Variants in LRRC15 observed in about 807,000 individuals in gnomAD.
LRRC15 encodes the protein leucine rich repeat containing 15.
In LRRC15, 5 loss-of-function variants were observed where a neutral mutation model predicts 4.3. That is an observed-to-expected ratio of 1.16 (90% confidence interval 0.61 to 2.44). The LOEUF (loss-of-function observed/expected upper bound fraction) is 2.44. Among genes scored for constraint, LRRC15 ranks in the 30% most tolerant of loss-of-function variants. LRRC15 has a pLI of 0.01. For missense variants in LRRC15, 769 were observed against 747.0 expected (o/e 1.03, Z -0.34); for synonymous variants, 337 against 323.2 (o/e 1.04, Z -0.46).
At position 194,360,437 on chromosome 3, in the gene LRRC15, G is replaced by A. The variant is rs775383231; in HGVS notation, c.607C>T (p.Arg203Trp). The A allele has an allele frequency of 2.3e-5, 37 of 1,614,048 alleles. No individual in the cohort carries two copies. Among genetic ancestry groups the A allele is most frequent in the Middle Eastern group, 1.6e-4 (1 of 6,084 alleles). The change falls in exon 2 of 2, where the codon CGG (arginine) becomes TGG (tryptophan). Residue 203 changes from arginine (R) to tryptophan (W), a missense_variant. By Grantham distance (101) the Arg-to-Trp change is moderately radical. Transcript: ENST00000347624. ...FQHLGNLQVL[R>W]LYENRLTDIP... ...TCCGTGAGCCTGTTCTCATACAGCC[G>A]GAGGACCTGGAGGTTGCCCAGGTGC...
In LRRC15 at chr3:194,360,723, G is replaced by A. The variant is rs1713599287; in HGVS notation, c.321C>T (p.Ser107=). The change falls in exon 2 of 2, where the codon AGC becomes AGT. Residue 107 remains serine (S), a synonymous_variant. Transcript: ENST00000347624. ...FRNLGSLRYL[S]LANNKLQVLP... is the part of the protein sequence containing the mutation. ...GAACCTGCAGCTTGTTGTTGGCGAGGCTGAGATAGCGCAGCGAGCCCAGGT... is the reference window on the plus strand; with the variant it reads ...GAACCTGCAGCTTGTTGTTGGCGAGACTGAGATAGCGCAGCGAGCCCAGGT... 2 of 1,614,234 alleles carry A rather than the reference G, an allele frequency of 1.2e-6. No homozygotes were observed. Among genetic ancestry groups the A allele is most frequent in the Non-Finnish European group, 1.7e-6 (2 of 1,180,028 alleles).
intron 1 of LRRC15, among the ~76,000 whole-genome samples, chr3:194,361,494 C>G (rs979730133): frequency 6.6e-6 from 1 of 152,216 alleles, no homozygotes; most frequent in Admixed American, 6.5e-5. Context: ...CATCTTTCAT[C>G]CCTACAGTTT....
In LRRC15 at chr3:194,359,370, G is replaced by T; in HGVS notation, c.1674C>A (p.Cys558Ter). 2 of 1,614,016 alleles carry T rather than the reference G, an allele frequency of 1.2e-6. No homozygotes were observed. Among genetic ancestry groups the T allele is most frequent in the South Asian group, 2.2e-5 (2 of 91,064 alleles). ...TCTTCTTGCAGCAGCAACAGCCGACGCAGGCAGCCAGGGAGCAGGCCAGGG... is the reference window on the plus strand; with the variant it reads ...TCTTCTTGCAGCAGCAACAGCCGACTCAGGCAGCCAGGGAGCAGGCCAGGG... Reference protein sequence around the residue: ...IVALACSLAACVGCCCCKKRS... With the variant: ...IVALACSLAA The change falls in exon 2 of 2, where the codon TGC (cysteine) becomes TGA (stop). Residue 558 changes from cysteine to a stop codon, truncating the protein, a stop_gained. Transcript: ENST00000347624. LOFTEE classifies it high-confidence loss of function.
Position 194,360,329 on chromosome 3 carries a change from CA to C in LRRC15, c.714del (p.Gly239ValfsTer43), listed in dbSNP as rs1560045285. ...LQQNQIGLLSPGLFHNNHNLQ... is the reference protein window; with the variant it reads ...LQQNQIGLLSXGLFHNNHNLQ... ...AGGTTGTGGTTGTTGTGGAAGAGAC[CA>C]GGGGAGAGCAGTCCAATCTGGTTCT... is the stretch of plus-strand genomic sequence containing the variant. On this transcript the variant is annotated frameshift_variant, in exon 2 of 2. Coordinates refer to ENST00000347624, the MANE Select transcript of LRRC15 (RefSeq NM_130830.5). LOFTEE classifies it low-confidence loss of function (END_TRUNC). 2.5e-6 allele frequency: 4 copies of C among 1,613,902 alleles called. No homozygotes were observed. In the East Asian group the frequency reaches 6.7e-5, roughly 27 times the overall value.
Position 194,360,050 on chromosome 3 carries a change from T to G in LRRC15, c.994A>C (p.Ile332Leu). The G allele has an allele frequency of 6.2e-7, 1 of 1,614,098 alleles. No individual in the cohort carries two copies. The highest frequency in any genetic ancestry group is 8.5e-7 in the Non-Finnish European group (1 of 1,180,024). The change falls in exon 2 of 2, where the codon ATC becomes CTC. Residue 332 changes from isoleucine to leucine, a missense_variant. By Grantham distance (5) the Ile-to-Leu change is conservative. Coordinates refer to ENST00000347624, the MANE Select transcript of LRRC15 (RefSeq NM_130830.5). ...AGCCCGTTGAAGGCACCCGGGGAGA[T>G]GAAGCTGATCTGATTGCGGCTAAGA... Reference protein sequence around the residue: ...LILSRNQISFISPGAFNGLTE... With the variant: ...LILSRNQISFLSPGAFNGLTE...
rs200874953 is a variant in LRRC15 at position 194,359,738 on chromosome 3, T to G, written c.1306A>C (p.Asn436His). 3.7e-6 allele frequency: 6 copies of G among 1,614,194 alleles called. No homozygotes were observed. The East Asian group carries it at 1.1e-4, about 30-fold the overall frequency. ...CTAGGCTGGTTGAGCAGGAGCCAGT[T>G]GCGGAGCGGAAGGATGTCTGAGTCA... is the stretch of plus-strand genomic sequence containing the variant. ...RCDSDILPLR[N>H]WLLLNQPRLG... The change falls in exon 2 of 2, where the codon AAC (asparagine) becomes CAC (histidine). Residue 436 changes from asparagine (N) to histidine (H), a missense_variant. By Grantham distance (68) the Asn-to-His change is moderately conservative (BLOSUM62 1). Transcript: ENST00000347624.
intron 1 of LRRC15, among the ~76,000 whole-genome samples, chr3:194,366,781 A>G (rs574275262): frequency 9.8e-5 from 15 of 152,290 alleles, no homozygotes; most frequent in African/African-American, 3.6e-4. Context: ...TTCTGAGTGC[A>G]CCTAGTCAAA....
At chr3:194,365,616 C>G (rs1713753346) in intron 1 of LRRC15, among the ~76,000 whole-genome samples, 1 of 152,146 alleles carries the variant, frequency 6.6e-6, no homozygotes, top group South Asian at 2.1e-4. Context: ...CCTTGGAGCT[C>G]TGCTATCTTC....
In LRRC15 at chr3:194,360,135, G is replaced by C. The variant is rs745880062; in HGVS notation, c.909C>G (p.Asn303Lys). 6.2e-7 allele frequency: 1 copy of C among 1,614,242 alleles called. No individual in the cohort carries two copies. The highest frequency in any genetic ancestry group is 2.2e-5 in the East Asian group (1 of 44,880). The change falls in exon 2 of 2, where the codon AAC (asparagine) becomes AAG (lysine). Residue 303 changes from asparagine (N) to lysine (K), a missense_variant. Asn to Lys is a moderately conservative substitution (Grantham distance 94). Transcript: ENST00000347624. ...CATTGTCGGGTAGAGAAGAGATGTGGTTGTCATAGAGCCAAAGCTCCCGCA... is the reference window on the plus strand; with the variant it reads ...CATTGTCGGGTAGAGAAGAGATGTGCTTGTCATAGAGCCAAAGCTCCCGCA... Reference protein sequence around the residue: ...PNLRELWLYDNHISSLPDNVF... With the variant: ...PNLRELWLYDKHISSLPDNVF...
rs1301854024 is a variant in LRRC15, at chr3:194,358,264, G to A, written c.*1034C>T. On this transcript the variant is annotated 3_prime_UTR_variant, in exon 2 of 2. Coordinates refer to ENST00000347624, the MANE Select transcript of LRRC15 (RefSeq NM_130830.5). ...GGATGGGGGATATTTGTGATGCTCT[G>A]GGTCTGGGTCTAGATGCTGATTACA... The A allele has an allele frequency of 2.0e-5, 3 of 152,252 alleles. No individual in the cohort carries two copies. Among genetic ancestry groups the A allele is most frequent in the Non-Finnish European group, 4.4e-5 (3 of 68,070 alleles). The allele number at this position is 152,252 out of a possible 1,614,324, so 9.4% of individuals were successfully genotyped here.
At chr3:194,366,394 C>A (rs1442803435) in intron 1 of LRRC15, among the ~76,000 whole-genome samples, 1 of 152,230 alleles carries the variant, frequency 6.6e-6, no homozygotes, top group African/African-American at 2.4e-5. Flanking sequence ...AAATCAGAAT[C>A]TCTGGAGACT....
chr3:194,356,381 C>T lies in LRRC15; in HGVS notation c.*2917G>A, dbSNP rs1193583353. On this transcript the variant is annotated 3_prime_UTR_variant, in exon 2 of 2. Coordinates refer to ENST00000347624, the MANE Select transcript of LRRC15 (RefSeq NM_130830.5). ...CAGAGAGGAAAACTGAACTCTGTACCCCACTCCAGCTTTCTGGGGGACCAG... is the reference window on the plus strand; with the variant it reads ...CAGAGAGGAAAACTGAACTCTGTACTCCACTCCAGCTTTCTGGGGGACCAG... The T allele has an allele frequency of 2.0e-5, 3 of 152,202 alleles. No individual in the cohort carries two copies. Among genetic ancestry groups the T allele is most frequent in the Non-Finnish European group, 2.9e-5 (2 of 68,050 alleles). 9.4% of individuals were successfully genotyped at this position (152,202 alleles called of 1,614,324 possible).
chr3:194,359,633 C>A lies in LRRC15; in HGVS notation c.1411G>T (p.Val471Phe), dbSNP rs139284710. The A allele has an allele frequency of 1.9e-6, 3 of 1,614,004 alleles. No individual in the cohort carries two copies. The highest frequency in any genetic ancestry group is 2.2e-5 in the South Asian group (2 of 91,044). The change falls in exon 2 of 2, where the codon GTT (valine) becomes TTT (phenylalanine). Residue 471 changes from valine (V) to phenylalanine (F), a missense_variant. By Grantham distance (50) the Val-to-Phe change is conservative. Coordinates refer to ENST00000347624, the MANE Select transcript of LRRC15 (RefSeq NM_130830.5). ...GQSLIIINVN[V>F]AVPSVHVPEV... ...GGGACATGGACGCTTGGAACAGCAA[C>A]GTTGACATTGATGATAATGAGGGAC...
rs544100044 is a variant in LRRC15 at position 194,355,938 on chromosome 3, T to C, written c.*3360A>G. 1.3e-5 allele frequency: 2 copies of C among 152,346 alleles called. No individual in the cohort carries two copies. The highest frequency in any genetic ancestry group is 1.9e-4 in the East Asian group (1 of 5,190). The allele number at this position is 152,346 out of a possible 1,614,324, so 9.4% of individuals were successfully genotyped here. A position where few individuals can be genotyped will look rare whatever the true frequency, so the allele number is the denominator to read the frequency against. ...TCTTTAAGGGATGGAAGAGTTTATT[T>C]TTTCCTGTGGTTACAAAGCTTTTGA... On this transcript the variant is annotated 3_prime_UTR_variant, in exon 2 of 2. Transcript: ENST00000347624.
Position 194,359,982 on chromosome 3 carries a change from C to A in LRRC15, c.1062G>T (p.Gln354His). ...TGCGGAAGACGTTCCCGTCCAGGTC[C>A]TGCAGTGCGTTGGTGTGGAGGGACA... is the stretch of plus-strand genomic sequence containing the variant. The part of the protein sequence containing the change: ...RELSLHTNAL[Q>H]DLDGNVFRML... The change falls in exon 2 of 2, where the codon CAG (glutamine) becomes CAT (histidine). Residue 354 changes from glutamine to histidine, a missense_variant. Physicochemically the swap from Gln to His is conservative, Grantham distance 24. Transcript: ENST00000347624. The A allele has an allele frequency of 6.2e-7, 1 of 1,614,234 alleles. No homozygotes were observed. Among genetic ancestry groups the A allele is most frequent in the East Asian group, 2.2e-5 (1 of 44,892 alleles).
At chr3:194,366,169 G>T (rs950366666) in intron 1 of LRRC15, among the ~76,000 whole-genome samples, 2 of 152,200 alleles carry the variant, frequency 1.3e-5, no homozygotes, top group African/African-American at 4.8e-5. Flanking sequence ...TGAAGCTCGG[G>T]CCTCCGTGCC....
At position 194,359,383 on chromosome 3, in the gene LRRC15, G is replaced by A. The variant is rs1576997809; in HGVS notation, c.1661C>T (p.Ser554Phe). The change falls in exon 2 of 2, where the codon TCC becomes TTC. Residue 554 changes from serine (S) to phenylalanine (F), a missense_variant. Ser to Phe is a radical substitution (Grantham distance 155). Transcript: ENST00000347624. ...IVIGIVALACSLAACVGCCCC... is the reference protein window; with the variant it reads ...IVIGIVALACFLAACVGCCCC... ...GCAACAGCCGACGCAGGCAGCCAGG[G>A]AGCAGGCCAGGGCGACAATGCCAAT... The A allele has an allele frequency of 1.2e-6, 2 of 1,614,138 alleles. No individual in the cohort carries two copies. Among genetic ancestry groups the A allele is most frequent in the Non-Finnish European group, 1.7e-6 (2 of 1,180,022 alleles).
At chr3:194,368,520 G>A (rs1713845161) in intron 1 of LRRC15, among the ~76,000 whole-genome samples, 1 of 152,124 alleles carries the variant, frequency 6.6e-6, no homozygotes, top group Admixed American at 6.5e-5. Context: ...TACTCCAGAT[G>A]TTCAGTCTCT....
chr3:194,359,018 G>T lies in LRRC15; in HGVS notation c.*280C>A. 1 of 312,938 alleles carries T rather than the reference G, an allele frequency of 3.2e-6. No individual in the cohort carries two copies. The highest frequency in any genetic ancestry group is 5.9e-6 in the Non-Finnish European group (1 of 169,948). The allele number at this position is 312,938 out of a possible 1,614,324, so 19.4% of individuals were successfully genotyped here. ...GGAGGACAGGTGGGGAGGATTTGGA[G>T]GAAGAGCCCTCTCGAAGGAAGCCCA... On this transcript the variant is annotated 3_prime_UTR_variant, in exon 2 of 2. Transcript: ENST00000347624.
Sources: allele counts gnomAD v4.1 joint callset (sites outside exome capture counted in the v4.1 genomes callset), GRCh38; gene constraint gnomAD v4.1.1; transcripts MANE v1.5; gene names NCBI Gene and HGNC (gene_info 2026-07-23, HGNC 2026-07-21).